The following SDK1 variants were observed in gnomAD, a reference collection of about 807,000 sequenced individuals.
SDK1 encodes the protein sidekick cell adhesion molecule 1.
In SDK1, 157 loss-of-function variants were observed where a neutral mutation model predicts 245.5. That is an observed-to-expected ratio of 0.64 (90% CI 0.56 to 0.73). The LOEUF (loss-of-function observed/expected upper bound fraction) is 0.73. SDK1 is among the 30% of genes least tolerant of loss of function. SDK1 has a pLI of 0.00. For missense variants in SDK1, 3,583 were observed against 3,002.3 expected (o/e 1.19, Z -4.52); for synonymous variants, 1,647 against 1,278.5 (o/e 1.29, Z -6.15).
At chr7:3,951,698 A>G (rs200449143) in intron 6 of SDK1, 32 bp from the exon 7 acceptor site, 301 of 1,601,922 alleles carry the variant, frequency 1.9e-4, no homozygotes, top group Admixed American at 1.7e-3. Flanking sequence ...CTGAGTCACA[A>G]TCGTCGTCAT....
intron 1 of SDK1, among the ~76,000 whole-genome samples, chr7:3,453,378 T>C (rs1310081961): frequency 6.6e-6 from 1 of 152,226 alleles, no homozygotes; most frequent in East Asian, 1.9e-4. Flanking sequence ...ATCAAATCCC[T>C]GGAACCTGTG....
chr7:3,770,971 G>T (rs113535897), intron 4 of SDK1, among the ~76,000 whole-genome samples: 2,011 of 152,256 alleles, frequency 0.013, 41 homozygotes, highest in Non-Finnish European at 0.013. Flanking sequence ...TTCACAATAG[G>T]CAGGTATTGT....
chr7:3,409,617 G>A (rs954805075), intron 1 of SDK1, among the ~76,000 whole-genome samples: 1 of 152,190 alleles, frequency 6.6e-6, no homozygotes, highest in Non-Finnish European at 1.5e-5. Flanking sequence ...GGAGAGGGAA[G>A]TCCACGTAGG....
intron 4 of SDK1, among the ~76,000 whole-genome samples, chr7:3,803,299 C>CT (rs371452793): frequency 4.3e-4 from 43 of 100,312 alleles, no homozygotes; most frequent in Admixed American, 2.9e-3. Context: ...CTTTTCTTTT[C>CT]TTTCTTTCTT....
rs778203614 is a variant in SDK1, at chr7:4,221,294, G to A, written c.5757G>A (p.Thr1919=). The change falls in exon 40 of 45, where the codon ACG becomes ACA. Residue 1919 remains threonine, a synonymous_variant. Coordinates refer to ENST00000404826, the MANE Select transcript of SDK1 (RefSeq NM_152744.4). ...VLVTKSASEL[T]LQWTEGHSGD... ...TCACCAAGTCCGCCTCTGAACTGAC[G>A]CTGCAGTGGACTGAGGGACACTCTG... 7.6e-5 allele frequency: 123 copies of A among 1,613,738 alleles called. No individual in the cohort carries two copies. Among genetic ancestry groups the A allele is most frequent in the Non-Finnish European group, 9.2e-5 (108 of 1,180,000 alleles).
At chr7:3,512,933 C>T (rs1425843055) in intron 1 of SDK1, among the ~76,000 whole-genome samples, 1 of 151,926 alleles carries the variant, frequency 6.6e-6, no homozygotes, top group African/African-American at 2.4e-5. Context: ...AATTTTGGTT[C>T]TTTCTACCTT....
chr7:3,550,923 A>C (rs1322380213), intron 1 of SDK1, among the ~76,000 whole-genome samples: 2 of 152,184 alleles, frequency 1.3e-5, no homozygotes, highest in Admixed American at 6.5e-5. Context: ...ACTTTAGTTC[A>C]GACTTTCTTC....
chr7:4,114,996 C>A (rs60562970), intron 25 of SDK1, among the ~76,000 whole-genome samples: 44,752 of 152,050 alleles, frequency 0.29, 6,839 homozygotes, highest in South Asian at 0.39. Context: ...CCTCTGCTGC[C>A]CTGTGCTAAT....
intron 1 of SDK1, among the ~76,000 whole-genome samples, chr7:3,322,113 C>T (rs1305893566): frequency 2.0e-5 from 3 of 151,660 alleles, no homozygotes; most frequent in Non-Finnish European, 1.5e-5. Flanking sequence ...GTGATCACCA[C>T]CTCTAGTTCC....
intron 1 of SDK1, among the ~76,000 whole-genome samples, chr7:3,440,630 G>A (rs1454195251): frequency 2.0e-5 from 3 of 152,176 alleles, no homozygotes; most frequent in Admixed American, 6.5e-5. Flanking sequence ...GGATGTGCCA[G>A]AGAGAAGATA....
intron 13 of SDK1, among the ~76,000 whole-genome samples, chr7:3,985,091 C>T (rs1314641253): frequency 6.6e-6 from 1 of 152,226 alleles, no homozygotes; most frequent in Non-Finnish European, 1.5e-5. Flanking sequence ...CCCCAACCCT[C>T]TTATCCCCAT....
rs150260565 is a variant in SDK1, at chr7:3,419,996, G to C, written c.298+118112G>C. On this transcript the variant is annotated intron_variant, in intron 1 of 44. Coordinates refer to ENST00000404826, the MANE Select transcript of SDK1 (RefSeq NM_152744.4). ...AATGAGAAATGCACCCAACCTCTGTGACTGTGAAACATGCCACCCAAGCTT... is the reference window on the plus strand; with the variant it reads ...AATGAGAAATGCACCCAACCTCTGTCACTGTGAAACATGCCACCCAAGCTT... Among the ~76,000 whole-genome samples, 1,169 of 152,312 alleles carry C rather than the reference G, an allele frequency of 7.7e-3. 15 individuals are homozygous for C. Among genetic ancestry groups the C allele is most frequent in the African/African-American group, 0.027 (1,136 of 41,566 alleles).
chr7:3,844,554 G>A (rs987837122), intron 5 of SDK1, among the ~76,000 whole-genome samples: 12 of 152,306 alleles, frequency 7.9e-5, no homozygotes, highest in Non-Finnish European at 1.6e-4. Context: ...ACAACTGCCT[G>A]TAATTTAATG....
chr7:3,716,993 G>GA (rs372474040), intron 4 of SDK1, among the ~76,000 whole-genome samples: 1 of 151,754 alleles, frequency 6.6e-6, no homozygotes, highest in Non-Finnish European at 1.5e-5. Context: ...GAAGTTTGAA[G>GA]AAAAAAAATT....
intron 1 of SDK1, among the ~76,000 whole-genome samples, chr7:3,613,934 G>A (rs1781682868): frequency 6.6e-6 from 1 of 152,106 alleles, no homozygotes; most frequent in African/African-American, 2.4e-5. Flanking sequence ...GAGAACACAT[G>A]GACACAGAGA....
At chr7:3,675,860 C>A (rs1001846053) in intron 4 of SDK1, among the ~76,000 whole-genome samples, 1 of 152,116 alleles carries the variant, frequency 6.6e-6, no homozygotes, top group African/African-American at 2.4e-5. Context: ...ATGCCCTTTG[C>A]CTACTTTTTA....
chr7:3,707,598 G>C (rs56111663), intron 4 of SDK1, among the ~76,000 whole-genome samples: 20,934 of 152,146 alleles, frequency 0.14, 2,194 homozygotes, highest in African/African-American at 0.3. Context: ...TCCATTGTTT[G>C]TTCGTTGACT....
chr7:3,908,462 G>A (rs1268741869), intron 5 of SDK1, among the ~76,000 whole-genome samples: 1 of 152,126 alleles, frequency 6.6e-6, no homozygotes, highest in Non-Finnish European at 1.5e-5. Context: ...TCCACTCAGC[G>A]GTCCACTCAG....
At chr7:3,733,470 A>C (rs1421774451) in intron 4 of SDK1, among the ~76,000 whole-genome samples, 1 of 152,186 alleles carries the variant, frequency 6.6e-6, no homozygotes, top group African/African-American at 2.4e-5. Context: ...ACAGTCTTCT[A>C]TCCAGGGCTG....
Sources: gnomAD v4.1 joint callset for allele counts (sites outside exome capture counted in the v4.1 genomes callset) on GRCh38, gnomAD v4.1.1 for gene constraint, MANE v1.5 for transcripts, NCBI Gene and HGNC (gene_info 2026-07-23, HGNC 2026-07-21) for gene names.